CYP11A1: variants seen among roughly 807,000 people sequenced by gnomAD.
CYP11A1 encodes the protein cholesterol side-chain cleavage enzyme, mitochondrial.
A neutral mutation model predicts 51.9 loss-of-function variants in CYP11A1; 25 were observed. The ratio of observed to expected loss-of-function variants is 0.48; its 90% CI spans 0.35 to 0.67. The LOEUF is 0.67. CYP11A1 is among the 30% of genes least tolerant of loss of function. The probability of loss-of-function intolerance (pLI) is 0.00; values close to 1 mark genes in which losing one functional copy is unlikely to be tolerated. For synonymous variants in CYP11A1, 245 were observed against 262.1 expected (o/e 0.93, Z 0.63); for missense variants, 578 against 680.9 (o/e 0.85, Z 1.68).
intron 5 of CYP11A1, among the ~76,000 whole-genome samples, chr15:74,341,165 A>T (rs1228206504): frequency 1.3e-5 from 2 of 152,132 alleles, no homozygotes; most frequent in African/African-American, 2.4e-5. Context: ...AACATACCTT[A>T]GAGGGTTGTT....
In CYP11A1 at chr15:74,367,423, C is replaced by T. The variant is rs770596058; in HGVS notation, c.163G>A (p.Gly55Ser). 6.2e-7 allele frequency: 1 copy of T among 1,614,208 alleles called. No homozygotes were observed. The highest frequency in any genetic ancestry group is 8.5e-7 in the Non-Finnish European group (1 of 1,180,036). The change falls in exon 1 of 9, where the codon GGT (glycine) becomes AGT (serine). Residue 55 changes from glycine to serine, a missense_variant. Gly to Ser is a moderately conservative substitution (Grantham distance 56). Coordinates refer to ENST00000268053, the MANE Select transcript of CYP11A1 (RefSeq NM_000781.3). ...TACAGGTTTAGCCAGCCATTGTCACCAGGAGAGGGGATCTCATTGAAGGGG... is the reference window on the plus strand; with the variant it reads ...TACAGGTTTAGCCAGCCATTGTCACTAGGAGAGGGGATCTCATTGAAGGGG... ...PRPFNEIPSP[G>S]DNGWLNLYHF... is the part of the protein sequence containing the mutation.
chr15:74,365,290 G>A (rs1350548126), intron 1 of CYP11A1: 2 of 147,954 alleles, frequency 1.4e-5, no homozygotes, highest in Admixed American at 1.4e-4. Flanking sequence ...CACAAGCCCT[G>A]GAGGCACAGA....
intron 1 of CYP11A1, chr15:74,366,277 ATTTTTTT>A (rs759681873): frequency 1.6e-4 from 121 of 778,366 alleles, no homozygotes; most frequent in Non-Finnish European, 1.7e-4. Flanking sequence ...CCCTCCCCCG[ATTTTTTT>A]TTTTTTTTTT....
chr15:74,343,436 C>T (rs1567052558), intron 4 of CYP11A1, among the ~76,000 whole-genome samples: 1 of 152,158 alleles, frequency 6.6e-6, no homozygotes, highest in Non-Finnish European at 1.5e-5. Context: ...TCTGCCATAC[C>T]CTGACGAGCC....
At chr15:74,354,476 T>C (rs1209130325) in intron 1 of CYP11A1, 1 of 152,256 alleles carries the variant, frequency 6.6e-6, no homozygotes, top group Non-Finnish European at 1.5e-5. Flanking sequence ...ACCCAGGTGA[T>C]TAAAAAGCTT....
At position 74,345,349 on chromosome 15, in the gene CYP11A1, G is replaced by T; in HGVS notation, c.426-106C>A. 1.6e-6 allele frequency: 2 copies of T among 1,236,260 alleles called. No individual in the cohort carries two copies. Among genetic ancestry groups the T allele is most frequent in the Non-Finnish European group, 2.3e-6 (2 of 856,554 alleles). 76.6% of individuals were successfully genotyped at this position (1,236,260 alleles called of 1,614,324 possible). A position where few individuals can be genotyped will look rare whatever the true frequency, so the allele number is the denominator to read the frequency against. ...CCAGGAAGCTGAGTCACAGCTCACAGCATCCAGCACTCCCACCAGGGCCTC... is the reference window on the plus strand; with the variant it reads ...CCAGGAAGCTGAGTCACAGCTCACATCATCCAGCACTCCCACCAGGGCCTC... On this transcript the variant is annotated intron_variant, in intron 2 of 8. Coordinates refer to ENST00000268053, the MANE Select transcript of CYP11A1 (RefSeq NM_000781.3). The surrounding 1 kb of genome is among the most constrained non-coding windows in gnomAD (Gnocchi z 4.3).
chr15:74,339,283 T>A lies in CYP11A1; in HGVS notation c.1190A>T (p.Tyr397Phe). 4 of 1,614,202 alleles carry A rather than the reference T, an allele frequency of 2.5e-6. No homozygotes were observed. Among genetic ancestry groups the A allele is most frequent in the Non-Finnish European group, 3.4e-6 (4 of 1,180,008 alleles). ...LHPISVTLQR[Y>F]LVNDLVLRDY... ...TCGAAGAACCAAGTCATTTACAAGA[T>A]ATCTCTGCAGGGTCACGGAGATGGG... The change falls in exon 7 of 9, where the codon TAT becomes TTT. Residue 397 changes from tyrosine (Y) to phenylalanine (F), a missense_variant. Coordinates refer to ENST00000268053, the MANE Select transcript of CYP11A1 (RefSeq NM_000781.3).
intron 1 of CYP11A1, among the ~76,000 whole-genome samples, chr15:74,356,119 A>G (rs1182927318): frequency 6.6e-6 from 1 of 152,260 alleles, no homozygotes; most frequent in East Asian, 1.9e-4. Flanking sequence ...ACCCAGCCGC[A>G]TCTCCAGCAT....
intron 1 of CYP11A1, among the ~76,000 whole-genome samples, chr15:74,359,978 A>T (rs1244149399): frequency 1.3e-5 from 2 of 152,258 alleles, no homozygotes; most frequent in African/African-American, 2.4e-5. Context: ...AGAAAAGTAG[A>T]AAGTGTAATG....
At chr15:74,347,853 C>T (rs777127182) in intron 2 of CYP11A1, 47 bp downstream of exon 2, 5 of 1,606,906 alleles carry the variant, frequency 3.1e-6, no homozygotes, top group Non-Finnish European at 4.3e-6. Flanking sequence ...CTCTCCACAG[C>T]TCCCCACCAC....
intron 1 of CYP11A1, chr15:74,366,108 G>T: frequency 1.0e-6 from 1 of 985,552 alleles, no homozygotes; most frequent in African/African-American, 1.7e-5. Flanking sequence ...GACCCGCGAA[G>T]AGCGCAGGAG....
chr15:74,347,966 C>T lies in CYP11A1; in HGVS notation c.359G>A (p.Arg120Gln), dbSNP rs2060639721. The T allele has an allele frequency of 1.1e-5, 18 of 1,614,078 alleles. No homozygotes were observed. The highest frequency in any genetic ancestry group is 1.7e-5 in the Admixed American group (1 of 60,004). ...LFKSEGPNPE[R>Q]FLIPPWVAYH... ...GGCGACCCAGGGCGGGATGAGGAAT[C>T]GTTCTGGGTTGGGGCCCTCGGACTT... The change falls in exon 2 of 9, where the codon CGA becomes CAA. Residue 120 changes from arginine to glutamine, a missense_variant. By Grantham distance (43) the Arg-to-Gln change is conservative. Coordinates refer to ENST00000268053, the MANE Select transcript of CYP11A1 (RefSeq NM_000781.3).
At chr15:74,338,962 A>G (rs565141497) in intron 7 of CYP11A1, among the ~76,000 whole-genome samples, 194 bp from the exon 8 acceptor site, 2 of 151,984 alleles carry the variant, frequency 1.3e-5, no homozygotes, top group East Asian at 3.9e-4. Context: ...ATCCTTACCC[A>G]CCAAATGGGG....
At chr15:74,351,376 A>G (rs1261720498) in intron 1 of CYP11A1, among the ~76,000 whole-genome samples, 1 of 152,114 alleles carries the variant, frequency 6.6e-6, no homozygotes, top group Non-Finnish European at 1.5e-5. Flanking sequence ...TGCTGCTCGG[A>G]GCAAACTCAT....
intron 3 of CYP11A1, among the ~76,000 whole-genome samples, 191 bp from the exon 4 acceptor site, chr15:74,344,183 T>C (rs1052583018): frequency 4.6e-5 from 7 of 152,156 alleles, no homozygotes; most frequent in Admixed American, 4.6e-4. Flanking sequence ...AAAGCTGACC[T>C]CTGGCAACCA....
intron 1 of CYP11A1, chr15:74,364,584 A>G (rs1239704243): frequency 6.6e-6 from 1 of 152,206 alleles, no homozygotes; most frequent in Non-Finnish European, 1.5e-5. Flanking sequence ...TGTGGTGTGT[A>G]TGTTCATTTT....
intron 6 of CYP11A1, 29 bp downstream of exon 6, chr15:74,339,558 G>A (rs757483896): frequency 1.2e-6 from 2 of 1,607,950 alleles, no homozygotes; most frequent in Non-Finnish European, 1.7e-6. Context: ...GATTGGAGTT[G>A]GGGGCGGCAT....
chr15:74,338,863 A>C, intron 7 of CYP11A1, 95 bp from the exon 8 acceptor site: 2 of 1,102,962 alleles, frequency 1.8e-6, no homozygotes, highest in Non-Finnish European at 2.7e-6. Flanking sequence ...TCTCACCACC[A>C]CTCCCACTCC....
chr15:74,338,778 G>A lies in CYP11A1; in HGVS notation c.1237-10C>T. 2 of 1,613,388 alleles carry A rather than the reference G, an allele frequency of 1.2e-6. No homozygotes were observed. The highest frequency in any genetic ancestry group is 1.7e-6 in the Non-Finnish European group (2 of 1,179,552). ...CCACTTGCACCAGTGTCTGGGGCAA[G>A]GTGATCAGAGGCCTGAGTAAGCCCC... is the stretch of plus-strand genomic sequence containing the variant. On this transcript the variant is annotated splice_polypyrimidine_tract_variant and intron_variant, in intron 7 of 8. Coordinates refer to ENST00000268053, the MANE Select transcript of CYP11A1 (RefSeq NM_000781.3).
Sources: allele counts gnomAD v4.1 joint callset (sites outside exome capture counted in the v4.1 genomes callset), GRCh38; gene constraint gnomAD v4.1.1; non-coding constraint Gnocchi (gnomAD v3.1); transcripts MANE v1.5; gene names NCBI Gene and HGNC (gene_info 2026-07-23, HGNC 2026-07-21).